SPAG9: variants seen among roughly 807,000 people sequenced by gnomAD.
The protein encoded by SPAG9 is sperm associated antigen 9.
Under a neutral mutation model 166.5 loss-of-function variants are expected in SPAG9, and 35 were observed. The observed-to-expected ratio is 0.21, with a 90% confidence interval of 0.16 to 0.28. The LOEUF (loss-of-function observed/expected upper bound fraction) is 0.28. Ranked by LOEUF, SPAG9 falls within the 10% of genes least tolerant of loss-of-function variation. The probability of loss-of-function intolerance (pLI) is 1.00; values close to 1 mark genes in which losing one functional copy is unlikely to be tolerated. For synonymous variants in SPAG9, 534 were observed against 565.5 expected (o/e 0.94, Z 0.79); for missense variants, 1,235 against 1,603.3 (o/e 0.77, Z 3.92).
At chr17:50,967,146 T>G (rs1193657577) in intron 29 of SPAG9, among the ~76,000 whole-genome samples, 1 of 152,200 alleles carries the variant, frequency 6.6e-6, no homozygotes, top group African/African-American at 2.4e-5. Context: ...TAAGACCCAG[T>G]GCAGGGCATA....
At chr17:51,002,686 G>A (rs2045010693) in intron 12 of SPAG9, among the ~76,000 whole-genome samples, 1 of 151,836 alleles carries the variant, frequency 6.6e-6, no homozygotes, top group Non-Finnish European at 1.5e-5. Flanking sequence ...TCAGCTGGGA[G>A]GTCAAGGCTG....
chr17:51,030,407 C>T (rs1404388917), intron 6 of SPAG9, among the ~76,000 whole-genome samples: 1 of 152,098 alleles, frequency 6.6e-6, no homozygotes, highest in Admixed American at 6.6e-5. Context: ...AAAATAAAGA[C>T]AAAACTACAA....
At chr17:51,117,716 A>AAAAAAAAAAAAAAAAAG (rs1234903823) in intron 1 of SPAG9, among the ~76,000 whole-genome samples, 1 of 150,162 alleles carries the variant, frequency 6.7e-6, no homozygotes. Context: ...CTCAAAAAAA[A>AAAAAAAAAAAAAAAAAG]AAAAAAAAAA....
At chr17:50,975,008 G>T in intron 27 of SPAG9, 61 bp from the exon 28 acceptor site, 1 of 1,467,870 alleles carries the variant, frequency 6.8e-7, no homozygotes, top group Non-Finnish European at 9.4e-7. Flanking sequence ...GAATGTAAGA[G>T]GTTACTGGTT....
At position 51,007,343 on chromosome 17, in the gene SPAG9, G is replaced by A. The variant is rs1485121306; in HGVS notation, c.1214-17C>T. ...GACCCATTCCTATCAAACGAAAAAA[G>A]ATAAAGACTTTGAAAATAAATGCAT... is the stretch of plus-strand genomic sequence containing the variant. On this transcript the variant is annotated splice_polypyrimidine_tract_variant and intron_variant, in intron 9 of 29. Coordinates refer to ENST00000262013, the MANE Select transcript of SPAG9 (RefSeq NM_001130528.3). 3 of 1,464,250 alleles carry A rather than the reference G, an allele frequency of 2.0e-6. No individual in the cohort carries two copies. The highest frequency in any genetic ancestry group is 1.9e-6 in the Non-Finnish European group (2 of 1,068,808). The allele number at this position is 1,464,250 out of a possible 1,614,324, so 90.7% of individuals were successfully genotyped here.
intron 1 of SPAG9, among the ~76,000 whole-genome samples, chr17:51,105,959 C>T (rs994878934): frequency 2.6e-5 from 4 of 151,426 alleles, no homozygotes; most frequent in Non-Finnish European, 5.9e-5. Flanking sequence ...CTGCTGCTTG[C>T]TTGGTTAAAA....
At chr17:51,079,167 C>A (rs2048095101) in intron 2 of SPAG9, among the ~76,000 whole-genome samples, 1 of 151,432 alleles carries the variant, frequency 6.6e-6, no homozygotes, top group Non-Finnish European at 1.5e-5. Context: ...ATGACAATTC[C>A]AAGTTTGTAT....
At chr17:50,976,016 C>G (rs372673125) in intron 27 of SPAG9, 4 of 770,862 alleles carry the variant, frequency 5.2e-6, no homozygotes, top group Non-Finnish European at 8.8e-6. Context: ...GCTCAAAGCC[C>G]CTAACGAAAA....
At chr17:51,102,396 T>A (rs1212038241) in intron 1 of SPAG9, among the ~76,000 whole-genome samples, 11 of 146,632 alleles carry the variant, frequency 7.5e-5, no homozygotes, top group African/African-American at 2.8e-4. Flanking sequence ...AGTGTGAGAC[T>A]CTGTCTGCAA....
rs1973342282 is a variant in SPAG9, at chr17:50,966,023, C to G, written c.*249G>C. 1 of 393,362 alleles carries G rather than the reference C, an allele frequency of 2.5e-6. No individual in the cohort carries two copies. The highest frequency in any genetic ancestry group is 2.0e-5 in the African/African-American group (1 of 49,634). The allele number at this position is 393,362 out of a possible 1,614,324, so 24.4% of individuals were successfully genotyped here. ...TTGCTTTCTATAATTCACCAGTTTG[C>G]AGGAAGTAAACATTCTTTGATTTGT... is the stretch of plus-strand genomic sequence containing the variant. On this transcript the variant is annotated 3_prime_UTR_variant, in exon 30 of 30. Transcript: ENST00000262013.
chr17:50,993,571 T>C (rs976308456), intron 19 of SPAG9, among the ~76,000 whole-genome samples, 193 bp downstream of exon 19: 3 of 152,262 alleles, frequency 2.0e-5, no homozygotes, highest in African/African-American at 7.2e-5. Context: ...TGTTTTATTT[T>C]CTTCACAGTA....
rs372764585 is a variant in SPAG9 at position 51,118,674 on chromosome 17, C to T, written c.303+1680G>A. Among the ~76,000 whole-genome samples, 4 of 152,312 alleles carry T rather than the reference C, an allele frequency of 2.6e-5. No individual in the cohort carries two copies. The South Asian group carries it at 6.2e-4, about 24-fold the overall frequency. On this transcript the variant is annotated intron_variant, in intron 1 of 29. Transcript: ENST00000262013. ...TCTATAAAGAGTGCTAACAAACAAG[C>T]GGAAATTGTGATCCTATCATTATTT...
chr17:51,056,709 C>T (rs888864611), intron 2 of SPAG9, among the ~76,000 whole-genome samples: 2 of 152,050 alleles, frequency 1.3e-5, no homozygotes, highest in African/African-American at 4.8e-5. Context: ...CTATATTTAT[C>T]AGGTCATCCC....
At chr17:51,037,642 T>C (rs1338949234) in intron 5 of SPAG9, among the ~76,000 whole-genome samples, 1 of 133,760 alleles carries the variant, frequency 7.5e-6, no homozygotes, top group East Asian at 2.1e-4. Context: ...TATATATAAA[T>C]AAAATAAGTA....
chr17:51,077,598 A>G (rs1299147856), intron 2 of SPAG9, among the ~76,000 whole-genome samples: 2 of 152,070 alleles, frequency 1.3e-5, no homozygotes, highest in South Asian at 2.1e-4. Flanking sequence ...CTACAGTACT[A>G]TATCTATTAG....
chr17:51,080,560 C>G (rs1052746344), intron 1 of SPAG9, among the ~76,000 whole-genome samples: 5 of 152,078 alleles, frequency 3.3e-5, no homozygotes, highest in African/African-American at 1.2e-4. Context: ...GTCCAACTGC[C>G]TACTAGAAAA....
chr17:51,077,625 T>TCC (rs2048054257), intron 2 of SPAG9, among the ~76,000 whole-genome samples: 1 of 151,802 alleles, frequency 6.6e-6, no homozygotes, highest in South Asian at 2.1e-4. Context: ...CCCTGTGGAG[T>TCC]CCATCATGCA....
intron 18 of SPAG9, 67 bp from the exon 19 acceptor site, chr17:50,994,002 T>C: frequency 1.4e-6 from 2 of 1,385,438 alleles, no homozygotes; most frequent in Non-Finnish European, 2.0e-6. Context: ...AAGGTGGTGC[T>C]GTTACAGTAA....
At chr17:51,053,851 AAAAGTATATATATATATATATATATATAT>A (rs2047258753) in intron 3 of SPAG9, among the ~76,000 whole-genome samples, 2 of 65,452 alleles carry the variant, frequency 3.1e-5, no homozygotes, top group South Asian at 9.0e-4. Flanking sequence ...AAAAAAAAAA[AAAAGTATATATATATATATATATATATAT>A]ATATATATAT....
Sources: gnomAD v4.1 joint callset for allele counts (sites outside exome capture counted in the v4.1 genomes callset) on GRCh38, gnomAD v4.1.1 for gene constraint, MANE v1.5 for transcripts, NCBI Gene and HGNC (gene_info 2026-07-23, HGNC 2026-07-21) for gene names.